NIPBL: variants seen among roughly 807,000 people sequenced by gnomAD.
NIPBL encodes the protein nipped-B-like protein.
In NIPBL, 19 loss-of-function variants were observed where a neutral mutation model predicts 321.8. That is an observed-to-expected ratio of 0.06 (90% confidence interval 0.04 to 0.09). The LOEUF (loss-of-function observed/expected upper bound fraction) is 0.09. NIPBL is among the 10% of genes least tolerant of loss of function. NIPBL has a pLI of 1.00. For synonymous variants in NIPBL, 1,106 were observed against 1,114.1 expected (o/e 0.99, Z 0.14); for missense variants, 2,210 against 3,327.0 (o/e 0.66, Z 8.26).
intron 33 of NIPBL, among the ~76,000 whole-genome samples, chr5:37,037,984 CTTTTTTTTTTT>C (rs34425779): frequency 1.7e-5 from 2 of 116,224 alleles, no homozygotes; most frequent in African/African-American, 3.5e-5. Flanking sequence ...TATTCACTTC[CTTTTTTTTTTT>C]TTTTTTTTTT....
chr5:36,993,093 G>C (rs1745738015), intron 10 of NIPBL, among the ~76,000 whole-genome samples: 1 of 152,084 alleles, frequency 6.6e-6, no homozygotes, highest in Non-Finnish European at 1.5e-5. Context: ...CATTTATAAA[G>C]AGCTTCATGA....
At position 36,985,328 on chromosome 5, in the gene NIPBL, A is replaced by G. The variant is rs1580396201; in HGVS notation, c.2148A>G (p.Gln716=). The part of the protein sequence containing the change: ...KGESRPETPK[Q]KSDGHPETPK... ...AAAGCCGGCCTGAGACTCCAAAACA[A>G]AAGAGTGATGGGCATCCTGAAACCC... The change falls in exon 10 of 47, where the codon CAA becomes CAG. Residue 716 remains glutamine, a synonymous_variant. Coordinates refer to ENST00000282516, the MANE Select transcript of NIPBL (RefSeq NM_133433.4). 3 of 1,613,800 alleles carry G rather than the reference A, an allele frequency of 1.9e-6. No individual in the cohort carries two copies. Among genetic ancestry groups the G allele is most frequent in the Middle Eastern group, 1.7e-4 (1 of 6,058 alleles).
intron 10 of NIPBL, chr5:36,995,376 AC>A: frequency 2.8e-6 from 1 of 353,178 alleles, no homozygotes; most frequent in Non-Finnish European, 5.1e-6. Context: ...TTATATAATT[AC>A]CCTTCATTTT....
In NIPBL at chr5:36,944,455, A is replaced by G. The variant is rs114983984; in HGVS notation, c.-79-9163A>G. Among the ~76,000 whole-genome samples the G allele has an allele frequency of 4.5e-3, 688 of 152,288 alleles. 4 individuals are homozygous for G. The highest frequency in any genetic ancestry group is 0.016 in the African/African-American group (663 of 41,576). On this transcript the variant is annotated intron_variant, in intron 1 of 46. Transcript: ENST00000282516. ...CGTACTAGATTGTCTTGAAGAACTGAAGATCAAAAATCAAAGTAGCCAGAG... is the reference window on the plus strand; with the variant it reads ...CGTACTAGATTGTCTTGAAGAACTGGAGATCAAAAATCAAAGTAGCCAGAG...
chr5:36,981,484 G>A (rs146603963), intron 9 of NIPBL, among the ~76,000 whole-genome samples: 33 of 151,686 alleles, frequency 2.2e-4, no homozygotes, highest in Non-Finnish European at 3.8e-4. Flanking sequence ...CTGTATATAC[G>A]TTGATAAGGC....
At chr5:36,984,320 A>G (rs1744492179) in intron 9 of NIPBL, among the ~76,000 whole-genome samples, 1 of 152,094 alleles carries the variant, frequency 6.6e-6, no homozygotes, top group Non-Finnish European at 1.5e-5. Context: ...TTGCTTTATT[A>G]TTAGGAAAAG....
At chr5:37,023,648 A>G (rs1270380797) in intron 29 of NIPBL, among the ~76,000 whole-genome samples, 4 of 152,054 alleles carry the variant, frequency 2.6e-5, no homozygotes, top group Non-Finnish European at 5.9e-5. Context: ...CATTGTCCTA[A>G]AAATGTTTTT....
chr5:37,016,256 T>TA (rs1748978990), intron 23 of NIPBL, 86 bp downstream of exon 23: 1 of 1,312,342 alleles, frequency 7.6e-7, no homozygotes, highest in Admixed American at 1.8e-5. Context: ...ATGAATTCTT[T>TA]AAAAATGTGT....
At chr5:37,019,182 C>T in intron 24 of NIPBL, 129 bp from the exon 25 acceptor site, 7 of 679,788 alleles carry the variant, frequency 1.0e-5, no homozygotes, top group Admixed American at 7.5e-5. Context: ...CTGTTTTTTC[C>T]TTTTAGTTAC....
At chr5:36,951,656 GT>G (rs1740305951) in intron 1 of NIPBL, among the ~76,000 whole-genome samples, 1 of 152,082 alleles carries the variant, frequency 6.6e-6, no homozygotes, top group Non-Finnish European at 1.5e-5. Context: ...AATTTCTTTA[GT>G]AATTGTTAAA....
chr5:37,013,146 C>T (rs756811675), intron 21 of NIPBL, among the ~76,000 whole-genome samples: 351 of 146,862 alleles, frequency 2.4e-3, no homozygotes, highest in Non-Finnish European at 4.0e-3. Flanking sequence ...ACCTCCCGGA[C>T]GGGGCGGCTG....
chr5:37,064,967 C>CAA lies in NIPBL; in HGVS notation c.*83_*84dup. 1 of 1,531,248 alleles carries CAA rather than the reference C, an allele frequency of 6.5e-7. No individual in the cohort carries two copies. Among genetic ancestry groups the CAA allele is most frequent in the South Asian group, 1.2e-5 (1 of 85,000 alleles). 94.9% of individuals were successfully genotyped at this position (1,531,248 alleles called of 1,614,324 possible). On this transcript the variant is annotated 3_prime_UTR_variant, in exon 47 of 47. Transcript: ENST00000282516. ...AAAACTTGAAATACCAACATTCTGG[C>CAA]AAAAAAAAATCAGTTTTATGAAGAG...
chr5:37,051,823 T>C lies in NIPBL; in HGVS notation c.6999T>C (p.Ala2333=). Residue 2333 remains alanine (A), a synonymous_variant, in exon 41 of 47, where the codon GCT becomes GCC. Coordinates refer to ENST00000282516, the MANE Select transcript of NIPBL (RefSeq NM_133433.4). The part of the protein sequence containing the change: ...LIAMGTDPEP[A]MRNKADQQLV... ...CTATGGGCACAGACCCAGAACCTGC[T>C]ATGCGGAACAAGGCTGATCAGCAAC... The C allele has an allele frequency of 6.2e-7, 1 of 1,614,030 alleles. No homozygotes were observed. The highest frequency in any genetic ancestry group is 8.5e-7 in the Non-Finnish European group (1 of 1,179,942).
Position 37,057,092 on chromosome 5 carries a change from G to A in NIPBL, c.7264-94G>A, listed in dbSNP as rs1368075040. 11 of 1,227,448 alleles carry A rather than the reference G, an allele frequency of 9.0e-6. No homozygotes were observed. In the African/African-American group the frequency reaches 1.6e-4, roughly 18 times the overall value. The allele number at this position is 1,227,448 out of a possible 1,614,324, so 76.0% of individuals were successfully genotyped here. The stretch of plus-strand genomic sequence containing the variant: ...CTTATCTCTGTCTAACATTAAGTGA[G>A]GTGAAAGTGCCCTGTATTTTTTCTA... On this transcript the variant is annotated intron_variant, in intron 42 of 46. Transcript: ENST00000282516.
In NIPBL at chr5:36,962,222, C is replaced by T; in HGVS notation, c.558C>T (p.Tyr186=). Residue 186 remains tyrosine (Y), a synonymous_variant, in exon 6 of 47, where the codon TAC becomes TAT. Transcript: ENST00000282516. ...SPYAPQSPAG[Y]MPYSHPSSYT... is the part of the protein sequence containing the mutation. ...ACGCCCCACAAAGCCCTGCAGGATACATGCCATATTCCCATCCTTCAAGTT... is the reference window on the plus strand; with the variant it reads ...ACGCCCCACAAAGCCCTGCAGGATATATGCCATATTCCCATCCTTCAAGTT... The T allele has an allele frequency of 6.2e-7, 1 of 1,614,126 alleles. No individual in the cohort carries two copies. Among genetic ancestry groups the T allele is most frequent in the East Asian group, 2.2e-5 (1 of 44,880 alleles).
chr5:36,992,545 C>T (rs1270203167), intron 10 of NIPBL, among the ~76,000 whole-genome samples: 3 of 151,860 alleles, frequency 2.0e-5, no homozygotes, highest in Non-Finnish European at 4.4e-5. Flanking sequence ...GACAGGGTCT[C>T]ATTCTCTTAC....
rs80290939 is a variant in NIPBL, at chr5:37,022,651, T to A, written c.5574+261T>A. On this transcript the variant is annotated intron_variant, in intron 29 of 46. Transcript: ENST00000282516. ...TTTAATTATACCAGTTTACAATGAG[T>A]AGATGATAGGAACCACATGGGGTAG... is the stretch of plus-strand genomic sequence containing the variant. Among the ~76,000 whole-genome samples, 2,788 of 152,264 alleles carry A rather than the reference T, an allele frequency of 0.018. 73 individuals carry two copies. The highest frequency in any genetic ancestry group is 0.057 in the African/African-American group (2,362 of 41,540).
In NIPBL at chr5:37,006,511, T is replaced by C. The variant is rs1290802829; in HGVS notation, c.4010T>C (p.Ile1337Thr). 1 of 1,612,108 alleles carries C rather than the reference T, an allele frequency of 6.2e-7. No homozygotes were observed. The change falls in exon 17 of 47, where the codon ATA becomes ACA. Residue 1337 changes from isoleucine (I) to threonine (T), a missense_variant. Transcript: ENST00000282516. ...VYIEDVIERV[I>T]QYTKFHLQNT... The stretch of plus-strand genomic sequence containing the variant: ...ATTGAGGATGTAATTGAAAGAGTTA[T>C]ACAGTACACTAAATTTCATTTGCAG...
intron 1 of NIPBL, among the ~76,000 whole-genome samples, chr5:36,904,705 A>C (rs1747494916): frequency 1.3e-5 from 2 of 152,164 alleles, no homozygotes; most frequent in African/African-American, 4.8e-5. Flanking sequence ...TTCCAAGCTT[A>C]ATCACTTGGC....
Sources: allele counts gnomAD v4.1 joint callset (sites outside exome capture counted in the v4.1 genomes callset), GRCh38; gene constraint gnomAD v4.1.1; transcripts MANE v1.5; gene names NCBI Gene and HGNC (gene_info 2026-07-23, HGNC 2026-07-21).